IMPG1: variants seen among roughly 807,000 people sequenced by gnomAD.
IMPG1 encodes interphotoreceptor matrix proteoglycan of 150 kDa.
IMPG1 carries 85 observed loss-of-function variants against 92.0 expected under a neutral mutation model. The observed-to-expected ratio is 0.92, with a 90% confidence interval of 0.78 to 1.11. The LOEUF (loss-of-function observed/expected upper bound fraction) is 1.11, where lower values mean the gene tolerates loss of function less well. Among genes scored for constraint, IMPG1 ranks in the 50% least tolerant of loss-of-function variants. IMPG1 has a pLI of 0.00. For synonymous variants in IMPG1, 367 were observed against 334.1 expected (o/e 1.10, Z -1.08); for missense variants, 1,022 against 956.0 (o/e 1.07, Z -0.91).
intron 14 of IMPG1, among the ~76,000 whole-genome samples, chr6:75,939,015 G>A (rs868083965): frequency 6.6e-6 from 1 of 151,998 alleles, no homozygotes; most frequent in African/African-American, 2.4e-5. Context: ...TTTGCTTTGT[G>A]TGTGTAGAGA....
chr6:76,000,494 T>C (rs1470047357), intron 12 of IMPG1, among the ~76,000 whole-genome samples: 1 of 152,216 alleles, frequency 6.6e-6, no homozygotes, highest in Non-Finnish European at 1.5e-5. Context: ...GCTATAAATC[T>C]TTTTTAAAAT....
intron 4 of IMPG1, among the ~76,000 whole-genome samples, chr6:76,033,833 C>A (rs892860440): frequency 1.3e-5 from 2 of 151,852 alleles, no homozygotes. Context: ...TTTTGATTTT[C>A]TTATTTGATA....
chr6:76,072,630 G>T lies in IMPG1; in HGVS notation c.-142C>A. On this transcript the variant is annotated 5_prime_UTR_variant, in exon 1 of 17. Transcript: ENST00000369950. ...ACCTTCTTGGTTTACCTTTATGAGG[G>T]TGTTAATTTATGAAGAACATGTAGC... 2 of 549,014 alleles carry T rather than the reference G, an allele frequency of 3.6e-6. No homozygotes were observed. Among genetic ancestry groups the T allele is most frequent in the Non-Finnish European group, 3.2e-6 (1 of 313,286 alleles). The allele number at this position is 549,014 out of a possible 1,614,324, so 34.0% of individuals were successfully genotyped here.
intron 12 of IMPG1, among the ~76,000 whole-genome samples, chr6:75,967,945 G>A (rs1027326751): frequency 7.9e-5 from 12 of 152,206 alleles, no homozygotes; most frequent in Non-Finnish European, 1.6e-4. Context: ...TTGCCTGCTG[G>A]TATATTCCAG....
chr6:76,036,194 A>G (rs1222667939), intron 2 of IMPG1, among the ~76,000 whole-genome samples: 2 of 152,226 alleles, frequency 1.3e-5, no homozygotes, highest in Non-Finnish European at 2.9e-5. Context: ...AATAGGGATA[A>G]AATTGATGTT....
Position 76,029,336 on chromosome 6 carries a change from G to A in IMPG1, c.498-4078C>T, listed in dbSNP as rs560644877. Reference sequence around the variant, plus strand: ...ACTTCCATCAAAGCCAATCCAAAAGGCTTATGTAGAAATAATTATTCTTGC... The same window carrying A: ...ACTTCCATCAAAGCCAATCCAAAAGACTTATGTAGAAATAATTATTCTTGC... On this transcript the variant is annotated intron_variant, in intron 4 of 16. Coordinates refer to ENST00000369950, the MANE Select transcript of IMPG1 (RefSeq NM_001563.4). Among the ~76,000 whole-genome samples, 4 of 152,272 alleles carry A rather than the reference G, an allele frequency of 2.6e-5. No individual in the cohort carries two copies. The East Asian group carries it at 7.7e-4, about 29-fold the overall frequency.
intron 12 of IMPG1, among the ~76,000 whole-genome samples, chr6:75,986,663 T>C (rs1339662528): frequency 6.6e-6 from 1 of 152,044 alleles, no homozygotes; most frequent in Non-Finnish European, 1.5e-5. Flanking sequence ...ATTACTGGAA[T>C]ATTACCATAA....
chr6:75,952,764 G>A (rs145199623), intron 12 of IMPG1, among the ~76,000 whole-genome samples: 43 of 152,236 alleles, frequency 2.8e-4, no homozygotes, highest in African/African-American at 9.1e-4. Flanking sequence ...TACTGGTCTT[G>A]TAAGAAGAGA....
chr6:76,011,718 A>G (rs919023731), intron 7 of IMPG1, among the ~76,000 whole-genome samples: 12 of 143,276 alleles, frequency 8.4e-5, no homozygotes, highest in South Asian at 2.4e-4. Flanking sequence ...TATATCTCCC[A>G]ATGCTATCCC....
intron 9 of IMPG1, among the ~76,000 whole-genome samples, chr6:76,005,827 TTTTC>T (rs201341822): frequency 0.033 from 4,990 of 151,786 alleles, 263 homozygotes; most frequent in African/African-American, 0.11. Context: ...AGGTTTTTTT[TTTTC>T]TTTCTTTCTT....
At chr6:75,984,967 C>T (rs1006914636) in intron 12 of IMPG1, among the ~76,000 whole-genome samples, 4 of 152,176 alleles carry the variant, frequency 2.6e-5, no homozygotes, top group Admixed American at 2.0e-4. Context: ...CATGTTTGTA[C>T]AGCCTGCAGA....
At chr6:75,974,395 T>TTTC (rs1562354861) in intron 12 of IMPG1, among the ~76,000 whole-genome samples, 1 of 106,054 alleles carries the variant, frequency 9.4e-6, no homozygotes, top group South Asian at 3.1e-4. Flanking sequence ...TTCTTTCTTT[T>TTTC]CTTTCTTTCC....
chr6:75,943,226 G>C (rs1781863698), intron 14 of IMPG1, among the ~76,000 whole-genome samples: 1 of 152,138 alleles, frequency 6.6e-6, no homozygotes, highest in Non-Finnish European at 1.5e-5. Context: ...TCGTACTGCT[G>C]TGTGCCCTGC....
chr6:75,998,622 G>T (rs1562364081), intron 12 of IMPG1, among the ~76,000 whole-genome samples: 1 of 152,180 alleles, frequency 6.6e-6, no homozygotes, highest in African/African-American at 2.4e-5. Flanking sequence ...TGTTGCAAGT[G>T]AAAAAGTCTG....
At chr6:76,039,833 T>C (rs1783804650) in intron 2 of IMPG1, among the ~76,000 whole-genome samples, 1 of 152,236 alleles carries the variant, frequency 6.6e-6, no homozygotes, top group Non-Finnish European at 1.5e-5. Context: ...CATTTGGGCT[T>C]TGAGATAAGC....
intron 12 of IMPG1, among the ~76,000 whole-genome samples, chr6:75,982,317 T>G (rs1782639735): frequency 6.6e-6 from 1 of 151,912 alleles, no homozygotes. Context: ...CCAAGGTGGG[T>G]GGATCACAAG....
At chr6:75,982,541 A>ATATCTATCTATC (rs145538984) in intron 12 of IMPG1, among the ~76,000 whole-genome samples, 7,179 of 146,634 alleles carry the variant, frequency 0.049, 287 homozygotes, top group African/African-American at 0.1. Context: ...AAAAATGTGT[A>ATATCTATCTATC]TATCTATCTA....
At chr6:75,937,184 C>G (rs1009970770) in intron 14 of IMPG1, among the ~76,000 whole-genome samples, 3 of 151,972 alleles carry the variant, frequency 2.0e-5, no homozygotes, top group African/African-American at 7.2e-5. Flanking sequence ...TATGACTGCT[C>G]CAGCTGGAAG....
intron 1 of IMPG1, among the ~76,000 whole-genome samples, chr6:76,042,575 T>C (rs1326131679): frequency 6.6e-6 from 1 of 152,146 alleles, no homozygotes; most frequent in Non-Finnish European, 1.5e-5. Context: ...CAAAATAACC[T>C]TCCTGCCTAT....
Sources: gnomAD v4.1 joint callset for allele counts (sites outside exome capture counted in the v4.1 genomes callset) on GRCh38, gnomAD v4.1.1 for gene constraint, MANE v1.5 for transcripts, NCBI Gene and HGNC (gene_info 2026-07-23, HGNC 2026-07-21) for gene names.